The following MAN1A1 variants were observed in gnomAD, a reference collection of about 807,000 sequenced individuals.
MAN1A1 encodes mannosyl-oligosaccharide 1,2-alpha-mannosidase IA.
MAN1A1 carries 29 observed loss-of-function variants against 70.8 expected under a neutral mutation model. The ratio of observed to expected loss-of-function variants is 0.41; its 90% CI spans 0.31 to 0.56. The LOEUF (loss-of-function observed/expected upper bound fraction) is 0.56. Among genes scored for constraint, MAN1A1 ranks in the 20% least tolerant of loss-of-function variants. The pLI is 0.29. For missense variants in MAN1A1, 747 were observed against 841.3 expected, an observed-to-expected ratio of 0.89 and a Z score of 1.39; for synonymous variants, 349 against 330.1, an observed-to-expected ratio of 1.06 and a Z score of -0.62.
intron 5 of MAN1A1, 84 bp downstream of exon 5, chr6:119,290,597 AAT>A (rs1776509381): frequency 1.1e-5 from 10 of 878,996 alleles, no homozygotes; most frequent in Non-Finnish European, 9.0e-6. Flanking sequence ...ATTCCTTCTA[AAT>A]ATATGTCACG....
intron 6 of MAN1A1, among the ~76,000 whole-genome samples, chr6:119,220,077 C>T (rs1008974249): frequency 2.6e-5 from 4 of 152,010 alleles, no homozygotes; most frequent in Admixed American, 1.3e-4. Flanking sequence ...TCTCTTTATT[C>T]CATCATAAGA....
chr6:119,228,552 T>G lies in MAN1A1; in HGVS notation c.992+19708A>C, dbSNP rs150133115. Among the ~76,000 whole-genome samples the G allele has an allele frequency of 9.2e-3, 1,403 of 152,224 alleles. 9 individuals are homozygous for G. Among genetic ancestry groups the G allele is most frequent in the Middle Eastern group, 0.024 (7 of 294 alleles). ...TAATTCAGAAAAAGAATTCTATGACTATACATCCTAAATTTTTATCACAAA... is the reference window on the plus strand; with the variant it reads ...TAATTCAGAAAAAGAATTCTATGACGATACATCCTAAATTTTTATCACAAA... On this transcript the variant is annotated intron_variant, in intron 6 of 12. Transcript: ENST00000368468.
At chr6:119,250,648 C>CTGTG (rs71015031) in intron 5 of MAN1A1, among the ~76,000 whole-genome samples, 9,670 of 148,536 alleles carry the variant, frequency 0.065, 352 homozygotes, top group South Asian at 0.087. Flanking sequence ...TGTTCTCTCT[C>CTGTG]TGTGTGTGTG....
chr6:119,300,925 G>A (rs1219250385), intron 4 of MAN1A1, among the ~76,000 whole-genome samples: 4 of 152,180 alleles, frequency 2.6e-5, no homozygotes, highest in African/African-American at 9.7e-5. Context: ...ATTTATATAA[G>A]TTTTTAATTG....
intron 2 of MAN1A1, among the ~76,000 whole-genome samples, chr6:119,316,631 CAT>C (rs1169427093): frequency 1.1e-4 from 17 of 152,090 alleles, no homozygotes; most frequent in African/African-American, 3.6e-4. Flanking sequence ...CATTCTAACT[CAT>C]ACATATATCA....
chr6:119,215,709 A>G (rs1774181136), intron 6 of MAN1A1, among the ~76,000 whole-genome samples: 1 of 152,146 alleles, frequency 6.6e-6, no homozygotes, highest in African/African-American at 2.4e-5. Context: ...TTTTTGGGCT[A>G]TTTTTCTCTT....
intron 6 of MAN1A1, among the ~76,000 whole-genome samples, chr6:119,214,959 A>G (rs961645594): frequency 3.3e-5 from 5 of 152,118 alleles, no homozygotes; most frequent in African/African-American, 1.2e-4. Context: ...ATAGCATTTT[A>G]AAATTAGAGA....
At chr6:119,200,535 T>C (rs1438717369) in intron 8 of MAN1A1, among the ~76,000 whole-genome samples, 1 of 152,240 alleles carries the variant, frequency 6.6e-6, no homozygotes, top group African/African-American at 2.4e-5. Context: ...TAAGGCAGTG[T>C]ACTCTTGCTA....
intron 6 of MAN1A1, among the ~76,000 whole-genome samples, chr6:119,245,566 C>T (rs1775148006): frequency 6.6e-6 from 1 of 152,106 alleles, no homozygotes; most frequent in African/African-American, 2.4e-5. Context: ...AAGGAGTGTA[C>T]TTGATTAGGC....
chr6:119,329,464 C>A (rs1024742242), intron 2 of MAN1A1, among the ~76,000 whole-genome samples: 1 of 151,660 alleles, frequency 6.6e-6, no homozygotes, highest in African/African-American at 2.4e-5. Flanking sequence ...ATCCCCCCCC[C>A]ACCCACTGAC....
intron 5 of MAN1A1, among the ~76,000 whole-genome samples, chr6:119,264,614 G>A (rs1437127858): frequency 6.6e-6 from 1 of 152,086 alleles, no homozygotes; most frequent in African/African-American, 2.4e-5. Flanking sequence ...TTATTTTACT[G>A]TTAAGTCATG....
Position 119,331,598 on chromosome 6 carries a change from T to TATATAA in MAN1A1, c.603+16864_603+16865insTTATAT, listed in dbSNP as rs1491119267. 3.2e-4 allele frequency among the ~76,000 whole-genome samples: 45 copies of TATATAA among 142,502 alleles called. No individual in the cohort carries two copies. The East Asian group carries it at 4.0e-3, about 13-fold the overall frequency. 93.5% of individuals were successfully genotyped at this position (142,502 alleles called of 152,430 possible). A position where few individuals can be genotyped will look rare whatever the true frequency, so the allele number is the denominator to read the frequency against. ...ATATATATATATATATATATATATA[T>TATATAA]AATCAAGGGGATATAAACATACATG... On this transcript the variant is annotated intron_variant, in intron 2 of 12. Transcript: ENST00000368468.
chr6:119,268,981 G>T (rs1414554106), intron 5 of MAN1A1, among the ~76,000 whole-genome samples: 2 of 152,168 alleles, frequency 1.3e-5, no homozygotes, highest in Non-Finnish European at 2.9e-5. Flanking sequence ...TAGAAAGGCA[G>T]TTGAATAATG....
At chr6:119,330,135 A>C (rs1238152175) in intron 2 of MAN1A1, among the ~76,000 whole-genome samples, 1 of 152,006 alleles carries the variant, frequency 6.6e-6, no homozygotes, top group Non-Finnish European at 1.5e-5. Flanking sequence ...ATTATCCCTA[A>C]TAGATCTTAT....
chr6:119,197,831 A>G (rs1434674424), intron 8 of MAN1A1, among the ~76,000 whole-genome samples: 1 of 151,882 alleles, frequency 6.6e-6, no homozygotes, highest in Non-Finnish European at 1.5e-5. Context: ...AAATTGGCCC[A>G]TAAGGAATCT....
At chr6:119,254,453 T>C (rs1775407936) in intron 5 of MAN1A1, among the ~76,000 whole-genome samples, 1 of 152,158 alleles carries the variant, frequency 6.6e-6, no homozygotes, top group South Asian at 2.1e-4. Flanking sequence ...AGTACTAAAA[T>C]GTGACTGGGA....
chr6:119,249,188 C>T (rs1257136096), intron 5 of MAN1A1, among the ~76,000 whole-genome samples: 2 of 152,052 alleles, frequency 1.3e-5, no homozygotes, highest in Non-Finnish European at 2.9e-5. Context: ...TGGGGCCCTA[C>T]AGAATAAACA....
At chr6:119,350,468 A>G, upstream of MAN1A1, 1 of 959,304 alleles carries the variant, frequency 1.0e-6, no homozygotes, top group African/African-American at 1.8e-5. Context: ...CCAAAAAACA[A>G]AAAACCGAAA....
chr6:119,260,110 G>C (rs1188995455), intron 5 of MAN1A1, among the ~76,000 whole-genome samples: 1 of 152,100 alleles, frequency 6.6e-6, no homozygotes, highest in Non-Finnish European at 1.5e-5. Context: ...TTTCTATAGA[G>C]GGTTAGATAG....
Sources: allele counts gnomAD v4.1 joint callset (sites outside exome capture counted in the v4.1 genomes callset), GRCh38; gene constraint gnomAD v4.1.1; transcripts MANE v1.5; gene names NCBI Gene and HGNC (gene_info 2026-07-23, HGNC 2026-07-21).